ADARB2: variants seen among roughly 807,000 people sequenced by gnomAD.
ADARB2 encodes adenosine deaminase RNA specific B2 (inactive).
Under a neutral mutation model 62.2 loss-of-function variants are expected in ADARB2, and 25 were observed. The ratio of observed to expected loss-of-function variants is 0.40; its 90% confidence interval spans 0.29 to 0.56. The LOEUF (loss-of-function observed/expected upper bound fraction) is 0.56. ADARB2 is among the 20% of genes least tolerant of loss of function. ADARB2 has a pLI of 0.43. For synonymous variants in ADARB2, 572 were observed against 500.8 expected (o/e 1.14, Z -1.90); for missense variants, 1,071 against 1,077.4 (o/e 0.99, Z 0.08).
At chr10:1,252,142 A>G (rs961253508) in intron 4 of ADARB2, among the ~76,000 whole-genome samples, 1 of 152,234 alleles carries the variant, frequency 6.6e-6, no homozygotes, top group Admixed American at 6.5e-5. Context: ...AGCCTGTTCC[A>G]ATGTTTTAAA....
At position 1,184,157 on chromosome 10, in the gene ADARB2, G is replaced by T. The variant is rs184764029; in HGVS notation, c.2043+704C>A. 8.8e-4 allele frequency among the ~76,000 whole-genome samples: 134 copies of T among 152,282 alleles called. 3 individuals are homozygous for T. The East Asian group carries it at 0.025, about 28-fold the overall frequency. On this transcript the variant is annotated intron_variant, in intron 9 of 9. Coordinates refer to ENST00000381312, the MANE Select transcript of ADARB2 (RefSeq NM_018702.4). The stretch of plus-strand genomic sequence containing the variant: ...AAGTTGGCTAAAACGTTTATTTTAG[G>T]CATTAGTATGCCTGCCCTCCTCTAC...
intron 1 of ADARB2, among the ~76,000 whole-genome samples, chr10:1,435,641 G>A (rs1588256777): frequency 6.7e-6 from 1 of 150,158 alleles, no homozygotes; most frequent in Admixed American, 6.6e-5. Flanking sequence ...TCCTGGGCGA[G>A]ACTTCAGGGT....
intron 1 of ADARB2, among the ~76,000 whole-genome samples, chr10:1,577,555 A>G (rs1252304553): frequency 6.6e-6 from 1 of 152,242 alleles, no homozygotes; most frequent in African/African-American, 2.4e-5. Flanking sequence ...CATTGAGACC[A>G]GGGCCTCCGA....
intron 1 of ADARB2, among the ~76,000 whole-genome samples, chr10:1,631,534 T>A (rs1211298445): frequency 6.6e-6 from 1 of 152,216 alleles, no homozygotes; most frequent in East Asian, 1.9e-4. Flanking sequence ...CTTCCGTCAC[T>A]CTTTGATGCC....
intron 1 of ADARB2, among the ~76,000 whole-genome samples, chr10:1,642,703 ACACACT>A (rs1412421882): frequency 1.3e-5 from 2 of 151,960 alleles, no homozygotes; most frequent in Admixed American, 6.6e-5. Flanking sequence ...TCACACACTC[ACACACT>A]CACACTCACA....
chr10:1,465,679 G>C (rs117374323), intron 1 of ADARB2, among the ~76,000 whole-genome samples: 1,635 of 152,304 alleles, frequency 0.011, 16 homozygotes, highest in Middle Eastern at 0.017. Context: ...CTTGGGTGGA[G>C]GTTTAAGATG....
chr10:1,452,824 C>T (rs200949892), intron 1 of ADARB2, among the ~76,000 whole-genome samples: 1 of 144,510 alleles, frequency 6.9e-6, no homozygotes, highest in East Asian at 2.0e-4. Context: ...TGAAAAAAAA[C>T]CTTTTGTATT....
At position 1,363,779 on chromosome 10, in the gene ADARB2, T is replaced by C; in HGVS notation, c.326A>G (p.His109Arg). Residue 109 changes from histidine (H) to arginine (R), a missense_variant, in exon 3 of 10, where the codon CAC (histidine) becomes CGC (arginine). Physicochemically the swap from His to Arg is conservative, Grantham distance 29 (BLOSUM62 0). Transcript: ENST00000381312. The part of the protein sequence containing the change: ...KRPLEEGNGG[H>R]LCKLQLVWKK... ...CCAGACCAGCTGCAGTTTGCACAAG[T>C]GGCCCCCATTCCCCTCCTCCAGCGG... The C allele has an allele frequency of 6.2e-7, 1 of 1,601,384 alleles. No homozygotes were observed. The highest frequency in any genetic ancestry group is 8.5e-7 in the Non-Finnish European group (1 of 1,179,146).
chr10:1,362,708 C>T (rs1407745857), intron 3 of ADARB2, among the ~76,000 whole-genome samples: 1 of 152,128 alleles, frequency 6.6e-6, no homozygotes, highest in African/African-American at 2.4e-5. Flanking sequence ...CCATCCGACC[C>T]TACGCGTGGA....
At chr10:1,359,881 C>T (rs904371301) in intron 3 of ADARB2, among the ~76,000 whole-genome samples, 2 of 152,262 alleles carry the variant, frequency 1.3e-5, no homozygotes, top group African/African-American at 4.8e-5. Context: ...GGCTCCTCAG[C>T]GGTGTCTAAA....
intron 1 of ADARB2, among the ~76,000 whole-genome samples, chr10:1,427,729 A>C (rs1243292740): frequency 6.6e-6 from 1 of 152,222 alleles, no homozygotes; most frequent in Non-Finnish European, 1.5e-5. Flanking sequence ...TTTGGGCATT[A>C]ATCCTGGAGG....
At chr10:1,232,750 GTGGTATGT>G (rs1403593555) in intron 6 of ADARB2, among the ~76,000 whole-genome samples, 1 of 150,088 alleles carries the variant, frequency 6.7e-6, no homozygotes, top group Non-Finnish European at 1.5e-5. Flanking sequence ...AGTAGTGTAT[GTGGTATGT>G]GGTGTGTGTG....
chr10:1,622,611 G>A (rs548470808), intron 1 of ADARB2, among the ~76,000 whole-genome samples: 3 of 152,246 alleles, frequency 2.0e-5, no homozygotes, highest in African/African-American at 7.2e-5. Context: ...AAATGTAAAT[G>A]AAACCACAAT....
In ADARB2 at chr10:1,178,078, C is replaced by T. The variant is rs1181504084; in HGVS notation, c.*5115G>A. 1 of 152,254 alleles carries T rather than the reference C, an allele frequency of 6.6e-6. No homozygotes were observed. Among genetic ancestry groups the T allele is most frequent in the Non-Finnish European group, 1.5e-5 (1 of 68,078 alleles). 9.4% of individuals were successfully genotyped at this position (152,254 alleles called of 1,614,324 possible). ...GTCCAAAAATGACTGCAGCAACTCC[C>T]TGTGCACAAGGCATCAGGAACCCAG... is the stretch of plus-strand genomic sequence containing the variant. On this transcript the variant is annotated 3_prime_UTR_variant, in exon 10 of 10. Coordinates refer to ENST00000381312, the MANE Select transcript of ADARB2 (RefSeq NM_018702.4).
At chr10:1,281,801 T>A (rs956975610) in intron 3 of ADARB2, among the ~76,000 whole-genome samples, 3 of 152,326 alleles carry the variant, frequency 2.0e-5, no homozygotes, top group South Asian at 2.1e-4. Context: ...CATCTCCTCC[T>A]CTATAATCCT....
At chr10:1,376,115 C>T (rs1370048069) in intron 2 of ADARB2, among the ~76,000 whole-genome samples, 1 of 152,222 alleles carries the variant, frequency 6.6e-6, no homozygotes, top group Admixed American at 6.5e-5. Flanking sequence ...TCTTTTTCTA[C>T]CTTCCCGTGC....
intron 1 of ADARB2, among the ~76,000 whole-genome samples, chr10:1,463,903 T>C (rs974051315): frequency 6.6e-6 from 1 of 151,906 alleles, no homozygotes; most frequent in African/African-American, 2.4e-5. Context: ...GAAGAAGACA[T>C]ATGAGAGACA....
chr10:1,271,707 G>A (rs913195227), intron 3 of ADARB2, among the ~76,000 whole-genome samples: 1 of 152,214 alleles, frequency 6.6e-6, no homozygotes, highest in African/African-American at 2.4e-5. Flanking sequence ...TTAGTGATAA[G>A]GTGACTCCTG....
At chr10:1,706,186 G>A (rs145520119) in intron 1 of ADARB2, among the ~76,000 whole-genome samples, 6 of 152,266 alleles carry the variant, frequency 3.9e-5, no homozygotes, top group African/African-American at 7.2e-5. Context: ...TAGTGTTTTC[G>A]CTCCCTACCC....
Sources: gnomAD v4.1 joint callset for allele counts (sites outside exome capture counted in the v4.1 genomes callset) on GRCh38, gnomAD v4.1.1 for gene constraint, MANE v1.5 for transcripts, NCBI Gene and HGNC (gene_info 2026-07-23, HGNC 2026-07-21) for gene names.